The following LITAF variants were observed in gnomAD, a reference collection of about 807,000 sequenced individuals.
The protein encoded by LITAF is lipopolysaccharide-induced tumor necrosis factor-alpha factor.
In LITAF, 9 loss-of-function variants were observed where a neutral mutation model predicts 14.5. The observed-to-expected ratio is 0.62, with a 90% CI of 0.37 to 1.08. The LOEUF is 1.08. Ranked by LOEUF, LITAF falls within the 50% of genes least tolerant of loss-of-function variation. The probability of loss-of-function intolerance (pLI) is 0.01; values close to 1 mark genes in which losing one functional copy is unlikely to be tolerated. For missense variants in LITAF, 206 were observed against 213.4 expected, an observed-to-expected ratio of 0.97 and a Z score of 0.22; for synonymous variants, 98 against 88.2, an observed-to-expected ratio of 1.11 and a Z score of -0.62.
At chr16:11,554,505 G>A (rs569845502) in intron 2 of LITAF, among the ~76,000 whole-genome samples, 29 of 152,160 alleles carry the variant, frequency 1.9e-4, no homozygotes, top group African/African-American at 6.0e-4. Context: ...AATCCAGGCC[G>A]GGCACGGTGG....
At position 11,549,605 on chromosome 16, in the gene LITAF, G is replaced by A. The variant is rs751930907; in HGVS notation, c.*32C>T. ...ATGAGAGGTGGAAAGGACTTCCTGC[G>A]GCACCCGGCTCCCTCCACGTCTGGC... On this transcript the variant is annotated 3_prime_UTR_variant, in exon 4 of 4. Coordinates refer to ENST00000622633, the MANE Select transcript of LITAF (RefSeq NM_001136472.2). This position sits in a 1 kb window ranked among gnomAD's most constrained non-coding sequence, Gnocchi z 4.6. 3.5e-5 allele frequency: 54 copies of A among 1,536,478 alleles called. No homozygotes were observed. The highest frequency in any genetic ancestry group is 1.7e-4 in the Middle Eastern group (1 of 5,944).
At position 11,611,421 on chromosome 16, in the gene LITAF, C is replaced by T. The variant is rs548047003; in HGVS notation, c.85+22112G>A. Among the ~76,000 whole-genome samples the T allele has an allele frequency of 2.9e-3, 447 of 152,280 alleles. 3 individuals are homozygous for T. The highest frequency in any genetic ancestry group is 0.01 in the African/African-American group (422 of 41,564). On this transcript the variant is annotated intron_variant, in intron 3 of 3. Transcript: ENST00000574848. ...ATACTTTTTTAGCAAGTCCTAAATACAGCATGGGATATACTTATACTAAAA... is the reference window on the plus strand; with the variant it reads ...ATACTTTTTTAGCAAGTCCTAAATATAGCATGGGATATACTTATACTAAAA...
chr16:11,631,341 G>C (rs2065116885), intron 3 of LITAF, among the ~76,000 whole-genome samples: 1 of 152,150 alleles, frequency 6.6e-6, no homozygotes, highest in African/African-American at 2.4e-5. Context: ...GCTTCTTTCA[G>C]CTTCTGGTGG....
At chr16:11,604,149 G>A (rs575863312) in intron 3 of LITAF, among the ~76,000 whole-genome samples, 6 of 152,080 alleles carry the variant, frequency 3.9e-5, no homozygotes, top group Admixed American at 6.6e-5. Context: ...AGGCAACATA[G>A]TGAGACACTG....
Position 11,632,490 on chromosome 16 carries a change from G to A in LITAF, c.85+1043C>T, listed in dbSNP as rs186281337. Among the ~76,000 whole-genome samples the A allele has an allele frequency of 4.6e-5, 7 of 152,292 alleles. No individual in the cohort carries two copies. Among genetic ancestry groups the A allele is most frequent in the East Asian group, 1.9e-4 (1 of 5,176 alleles). On this transcript the variant is annotated intron_variant, in intron 3 of 3. Coordinates refer to the LITAF transcript ENST00000574848. This position sits in a 1 kb window ranked among gnomAD's most constrained non-coding sequence, Gnocchi z 4.8. ...GAGGAAGCAACCCAGGGAAGCTCCC[G>A]CAGGTCCCAGCTCAGAACTAACAGC...
intron 1 of LITAF, among the ~76,000 whole-genome samples, chr16:11,573,315 G>A (rs2064574831): frequency 6.6e-6 from 1 of 152,154 alleles, no homozygotes; most frequent in African/African-American, 2.4e-5. Context: ...AGAGCAAAAT[G>A]TTGGTAACAC....
At chr16:11,627,185 T>C (rs2065089157) in intron 3 of LITAF, among the ~76,000 whole-genome samples, 1 of 152,214 alleles carries the variant, frequency 6.6e-6, no homozygotes, top group South Asian at 2.1e-4. Context: ...GCTCCAGTAA[T>C]GGGCATGTGA....
chr16:11,566,878 C>T (rs947191700), intron 1 of LITAF, among the ~76,000 whole-genome samples: 1 of 151,930 alleles, frequency 6.6e-6, no homozygotes, highest in East Asian at 1.9e-4. Flanking sequence ...TCTGAGAAAA[C>T]GACATTTGTA....
At chr16:11,616,284 G>C (rs545825347) in intron 3 of LITAF, among the ~76,000 whole-genome samples, 10 of 152,144 alleles carry the variant, frequency 6.6e-5, no homozygotes, top group South Asian at 6.2e-4. Context: ...GACCAGCCTG[G>C]GCAACATGGC....
rs750569086 is a variant in LITAF at position 11,547,886 on chromosome 16, T to C, written c.*1751A>G. The C allele has an allele frequency of 2.2e-6, 1 of 454,102 alleles. No individual in the cohort carries two copies. Among genetic ancestry groups the C allele is most frequent in the South Asian group, 1.6e-5 (1 of 64,472 alleles). 28.1% of individuals were successfully genotyped at this position (454,102 alleles called of 1,614,324 possible). ...GCAGGATATTCAGCAAGTCTGAAGT[T>C]TTTAATCGGGAAGGATTTTCTACCG... is the stretch of plus-strand genomic sequence containing the variant. On this transcript the variant is annotated 3_prime_UTR_variant, in exon 4 of 4. Coordinates refer to ENST00000622633, the MANE Select transcript of LITAF (RefSeq NM_001136472.2).
At chr16:11,594,874 T>A (rs1220211177) in intron 1 of LITAF, among the ~76,000 whole-genome samples, 2 of 109,088 alleles carry the variant, frequency 1.8e-5, no homozygotes, top group Non-Finnish European at 3.6e-5. Flanking sequence ...AGACTCCATC[T>A]CAAAAAAATA....
At chr16:11,616,225 A>G (rs891227182) in intron 3 of LITAF, among the ~76,000 whole-genome samples, 4 of 152,102 alleles carry the variant, frequency 2.6e-5, no homozygotes, top group East Asian at 3.9e-4. Context: ...TGGAATCCCA[A>G]TGTTTTGGGA....
intron 1 of LITAF, among the ~76,000 whole-genome samples, chr16:11,585,624 A>G (rs187583633): frequency 8.6e-4 from 131 of 152,272 alleles, no homozygotes; most frequent in Non-Finnish European, 1.5e-3. Flanking sequence ...CTAAATAGGA[A>G]GTCCTAAAAA....
At chr16:11,603,324 G>C (rs1453717457), upstream of LITAF, among the ~76,000 whole-genome samples, 5 of 152,216 alleles carry the variant, frequency 3.3e-5, no homozygotes, top group East Asian at 9.6e-4. Flanking sequence ...CCATCCCCAG[G>C]ATGGGGGCGG....
At chr16:11,579,206 G>T (rs12447546) in intron 1 of LITAF, among the ~76,000 whole-genome samples, 2 of 150,948 alleles carry the variant, frequency 1.3e-5, no homozygotes, top group Admixed American at 6.6e-5. Context: ...ATAAAACACA[G>T]TTTGGGAGGC....
upstream of LITAF, among the ~76,000 whole-genome samples, chr16:11,588,138 T>C (rs943192336): frequency 1.3e-5 from 2 of 151,966 alleles, no homozygotes; most frequent in African/African-American, 4.8e-5. Context: ...ATTTCAAAGT[T>C]CTCCCAAGCA....
chr16:11,600,272 C>T (rs1388020544), upstream of LITAF, among the ~76,000 whole-genome samples: 2 of 152,222 alleles, frequency 1.3e-5, no homozygotes, highest in African/African-American at 4.8e-5. This position sits in a 1 kb window ranked among gnomAD's most constrained non-coding sequence, Gnocchi z 4.1. Context: ...CCACTGCATT[C>T]GGCCACATTT....
chr16:11,581,720 TAAAAA>T (rs1298371025), intron 1 of LITAF, among the ~76,000 whole-genome samples: 5 of 151,660 alleles, frequency 3.3e-5, no homozygotes, highest in African/African-American at 1.2e-4. Flanking sequence ...AGGTGAAAAA[TAAAAA>T]ATAAAATAAA....
intron 1 of LITAF, among the ~76,000 whole-genome samples, chr16:11,576,101 C>G (rs1022531426): frequency 2.6e-5 from 4 of 152,312 alleles, no homozygotes; most frequent in Non-Finnish European, 5.9e-5. Flanking sequence ...GTTGCCCAGG[C>G]TGGCCTCAAG....
Sources: allele counts gnomAD v4.1 joint callset (sites outside exome capture counted in the v4.1 genomes callset), GRCh38; gene constraint gnomAD v4.1.1; non-coding constraint Gnocchi (gnomAD v3.1); transcripts MANE v1.5; gene names NCBI Gene and HGNC (gene_info 2026-07-23, HGNC 2026-07-21).